Variants in LMBR1 observed in about 807,000 individuals in gnomAD.
LMBR1 encodes the protein limb development membrane protein 1, also known as limb region 1 protein homolog.
In LMBR1, 52 loss-of-function variants were observed where a neutral mutation model predicts 73.9. That is an observed-to-expected ratio of 0.70 (90% CI 0.56 to 0.89). The LOEUF (loss-of-function observed/expected upper bound fraction) is 0.89. LMBR1 is among the 40% of genes least tolerant of loss of function. The pLI is 0.00. For missense variants in LMBR1, 539 were observed against 579.8 expected, an observed-to-expected ratio of 0.93 and a Z score of 0.72; for synonymous variants, 215 against 209.4, an observed-to-expected ratio of 1.03 and a Z score of -0.23.
At chr7:156,837,265 G>T (rs950167886) in intron 1 of LMBR1, among the ~76,000 whole-genome samples, 1 of 151,472 alleles carries the variant, frequency 6.6e-6, no homozygotes, top group Non-Finnish European at 1.5e-5. Flanking sequence ...AACGCAGGAG[G>T]CGGAGGTTGC....
chr7:156,797,727 C>A (rs971059170), intron 4 of LMBR1, among the ~76,000 whole-genome samples: 1 of 152,082 alleles, frequency 6.6e-6, no homozygotes, highest in Non-Finnish European at 1.5e-5. Flanking sequence ...GCAATTAATA[C>A]GGGTCAGCTG....
At chr7:156,822,676 T>G (rs1290656961) in intron 4 of LMBR1, 1 of 150,802 alleles carries the variant, frequency 6.6e-6, no homozygotes, top group Non-Finnish European at 1.5e-5. Context: ...AAAAAAGCAA[T>G]TAATATTAAA....
chr7:156,691,263 G>A (rs1293785736), intron 15 of LMBR1, among the ~76,000 whole-genome samples: 1 of 152,160 alleles, frequency 6.6e-6, no homozygotes, highest in Non-Finnish European at 1.5e-5. Context: ...CACCAGGCAA[G>A]AAGCTTAGTA....
intron 15 of LMBR1, among the ~76,000 whole-genome samples, chr7:156,691,541 T>G (rs115888055): frequency 0.014 from 2,173 of 152,288 alleles, 56 homozygotes; most frequent in African/African-American, 0.049. Context: ...CTGAGTAAAC[T>G]TCTACTTTTA....
chr7:156,783,225 G>A (rs545219755), intron 5 of LMBR1, among the ~76,000 whole-genome samples: 1 of 152,238 alleles, frequency 6.6e-6, no homozygotes, highest in South Asian at 2.1e-4. Context: ...AAAGTGAAGT[G>A]CAGTGGTACA....
chr7:156,839,237 CG>C, intron 1 of LMBR1, among the ~76,000 whole-genome samples: 1 of 151,840 alleles, frequency 6.6e-6, no homozygotes, highest in South Asian at 2.1e-4. Context: ...TTAGTAGAGA[CG>C]GGGTTTCACC....
intron 15 of LMBR1, among the ~76,000 whole-genome samples, chr7:156,709,249 C>G (rs1228709176): frequency 6.6e-6 from 1 of 152,208 alleles, no homozygotes; most frequent in Non-Finnish European, 1.5e-5. Flanking sequence ...ACTGGCCAAC[C>G]ACATCAGGCC....
In LMBR1 at chr7:156,872,473, C is replaced by A. The variant is rs1586372977; in HGVS notation, c.66+20455G>T. Among the ~76,000 whole-genome samples, 3 of 151,822 alleles carry A rather than the reference C, an allele frequency of 2.0e-5. No individual in the cohort carries two copies. In the South Asian group the frequency reaches 6.2e-4, roughly 32 times the overall value. On this transcript the variant is annotated intron_variant, in intron 1 of 16. Transcript: ENST00000353442. ...GACCACCCAGACCAACGTGGAGAAACCCCATCTCTACTAAAAATAAAAATT... is the reference window on the plus strand; with the variant it reads ...GACCACCCAGACCAACGTGGAGAAAACCCATCTCTACTAAAAATAAAAATT...
chr7:156,709,201 T>C (rs1295246453), intron 15 of LMBR1, among the ~76,000 whole-genome samples: 2 of 152,202 alleles, frequency 1.3e-5, no homozygotes, highest in South Asian at 2.1e-4. Flanking sequence ...CCTCTACTAC[T>C]ATGGCAGCTG....
chr7:156,735,435 C>T (rs1817668168), intron 9 of LMBR1, among the ~76,000 whole-genome samples: 1 of 151,578 alleles, frequency 6.6e-6, no homozygotes, highest in Non-Finnish European at 1.5e-5. Context: ...CTGCTTGTTT[C>T]TCTAATGGTG....
intron 4 of LMBR1, among the ~76,000 whole-genome samples, chr7:156,820,560 G>T (rs1323722068): frequency 6.6e-6 from 1 of 152,130 alleles, no homozygotes. Context: ...AAATTTAGGG[G>T]CCTTCTATCT....
chr7:156,867,278 G>T (rs1379454116), intron 1 of LMBR1, among the ~76,000 whole-genome samples: 1 of 152,206 alleles, frequency 6.6e-6, no homozygotes, highest in Non-Finnish European at 1.5e-5. Context: ...TGATGATAAT[G>T]ATGTGAAGAA....
chr7:156,710,310 A>G (rs1465358831), intron 15 of LMBR1, among the ~76,000 whole-genome samples: 2 of 152,218 alleles, frequency 1.3e-5, no homozygotes, highest in African/African-American at 4.8e-5. Context: ...TCTTCAGAGA[A>G]ATAGATATCA....
chr7:156,874,537 C>CGA (rs1799873404), intron 1 of LMBR1, among the ~76,000 whole-genome samples: 1 of 152,234 alleles, frequency 6.6e-6, no homozygotes, highest in Admixed American at 6.5e-5. Flanking sequence ...GCGAGGGCCC[C>CGA]GAGGACCGCC....
chr7:156,821,459 T>G (rs928701803), intron 4 of LMBR1, among the ~76,000 whole-genome samples: 1 of 152,232 alleles, frequency 6.6e-6, no homozygotes, highest in African/African-American at 2.4e-5. Context: ...AACTCTCCGA[T>G]GGGCAGATCT....
rs1031182696 is a variant in LMBR1, at chr7:156,801,990, C to CT, written c.320-5499dup. 2.8e-3 allele frequency among the ~76,000 whole-genome samples: 419 copies of CT among 149,944 alleles called. 4 individuals are homozygous for CT. Among genetic ancestry groups the CT allele is most frequent in the African/African-American group, 9.2e-3 (377 of 40,956 alleles). On this transcript the variant is annotated intron_variant, in intron 4 of 16. Transcript: ENST00000353442. ...AACATAAATTCCACCATTTCCTAAC[C>CT]TTTTTTTTTTCAGATGGAGTCTCAC...
intron 1 of LMBR1, among the ~76,000 whole-genome samples, chr7:156,853,340 A>T (rs1170718485): frequency 1.3e-5 from 2 of 152,178 alleles, no homozygotes; most frequent in East Asian, 3.8e-4. Context: ...TTTTAAAAAA[A>T]AATGGGTCAC....
At chr7:156,690,073 T>C (rs1054466498) in intron 15 of LMBR1, among the ~76,000 whole-genome samples, 4 of 152,198 alleles carry the variant, frequency 2.6e-5, no homozygotes, top group Non-Finnish European at 5.9e-5. Context: ...CGAAGTTCAC[T>C]GACGGAGGAC....
At chr7:156,758,581 C>A (rs753574868) in intron 8 of LMBR1, among the ~76,000 whole-genome samples, 4 of 152,146 alleles carry the variant, frequency 2.6e-5, no homozygotes, top group Non-Finnish European at 4.4e-5. Flanking sequence ...TCTATTTGTT[C>A]ACATGACAGC....
Sources: gnomAD v4.1 joint callset for allele counts (sites outside exome capture counted in the v4.1 genomes callset) on GRCh38, gnomAD v4.1.1 for gene constraint, MANE v1.5 for transcripts, NCBI Gene and HGNC (gene_info 2026-07-23, HGNC 2026-07-21) for gene names.